RXFP1: variants seen among roughly 807,000 people sequenced by gnomAD.
RXFP1 encodes relaxin family peptide receptor 1.
In RXFP1, 73 loss-of-function variants were observed where a neutral mutation model predicts 89.8. The observed-to-expected ratio is 0.81, with a 90% confidence interval of 0.67 to 0.99. The LOEUF is 0.99. Ranked by LOEUF, RXFP1 falls within the 50% of genes least tolerant of loss-of-function variation. The probability of loss-of-function intolerance (pLI) is 0.00; values close to 1 mark genes in which losing one functional copy is unlikely to be tolerated. For missense variants in RXFP1, 793 were observed against 895.5 expected, an observed-to-expected ratio of 0.89 and a Z score of 1.46; for synonymous variants, 277 against 305.5, an observed-to-expected ratio of 0.91 and a Z score of 0.97.
chr4:158,595,499 G>A (rs1158823011), intron 3 of RXFP1, among the ~76,000 whole-genome samples: 1 of 152,090 alleles, frequency 6.6e-6, no homozygotes, highest in Non-Finnish European at 1.5e-5. Flanking sequence ...AAATACTAGT[G>A]TTATGAATTA....
In RXFP1 at chr4:158,567,908, G is replaced by A. The variant is rs1753994595; in HGVS notation, c.50-4790G>A. On this transcript the variant is annotated intron_variant, in intron 1 of 17. Coordinates refer to ENST00000307765, the MANE Select transcript of RXFP1 (RefSeq NM_021634.4). ...CCGCTCGGGTCTCCTTCCAGCTTGT[G>A]GTGGCTTTGTTCTTTTGCTCGTTGC... Among the ~76,000 whole-genome samples the A allele has an allele frequency of 5.3e-5, 8 of 152,294 alleles. No individual in the cohort carries two copies. In the South Asian group the frequency reaches 1.5e-3, roughly 28 times the overall value.
intron 4 of RXFP1, among the ~76,000 whole-genome samples, chr4:158,601,797 G>A (rs1761737831): frequency 6.6e-6 from 1 of 152,154 alleles, no homozygotes. Flanking sequence ...TTGAAGTTGG[G>A]ATTTTTTTAA....
chr4:158,546,629 A>G (rs1210384472), intron 1 of RXFP1, among the ~76,000 whole-genome samples: 2 of 152,188 alleles, frequency 1.3e-5, no homozygotes, highest in Non-Finnish European at 2.9e-5. Context: ...CATCCCATCG[A>G]TACCTAATTT....
chr4:158,572,884 T>TGAA (rs772198400), intron 2 of RXFP1, 49 bp downstream of exon 2: 2 of 1,594,746 alleles, frequency 1.3e-6, no homozygotes, highest in East Asian at 4.5e-5. Context: ...CAGAAAGGAC[T>TGAA]GAAGGTGAAG....
At chr4:158,546,183 T>A (rs1350536273) in intron 1 of RXFP1, among the ~76,000 whole-genome samples, 4 of 152,150 alleles carry the variant, frequency 2.6e-5, no homozygotes, top group African/African-American at 7.2e-5. Context: ...GTAAGTTGGA[T>A]TCCTAGGTAT....
chr4:158,549,053 C>T (rs1749341808), intron 1 of RXFP1, among the ~76,000 whole-genome samples: 1 of 151,816 alleles, frequency 6.6e-6, no homozygotes, highest in Non-Finnish European at 1.5e-5. Flanking sequence ...TGTTTTCCAA[C>T]TTGGTTCCAT....
At chr4:158,538,352 G>A (rs1745761317) in intron 1 of RXFP1, among the ~76,000 whole-genome samples, 1 of 152,200 alleles carries the variant, frequency 6.6e-6, no homozygotes, top group South Asian at 2.1e-4. Flanking sequence ...CTCGCACTCT[G>A]GGGAAAGAAG....
rs1489078971 is a variant in RXFP1 at position 158,628,699 on chromosome 4, C to A, written c.889C>A (p.Leu297Met). ...NENTFAPLQK[L>M]DELDLGSNKI... ...AAATACTTTTGCACCTCTCCAGAAA[C>A]TGGATGAATTGTAAGTATGACTGAA... The change falls in exon 11 of 18, where the codon CTG becomes ATG. Residue 297 changes from leucine to methionine, a missense_variant. Transcript: ENST00000307765. The A allele has an allele frequency of 1.3e-6, 2 of 1,567,466 alleles. No homozygotes were observed. Among genetic ancestry groups the A allele is most frequent in the East Asian group, 2.3e-5 (1 of 44,268 alleles).
intron 14 of RXFP1, among the ~76,000 whole-genome samples, chr4:158,640,459 T>G (rs749928450): frequency 7.9e-5 from 12 of 152,172 alleles, no homozygotes; most frequent in Non-Finnish European, 1.6e-4. Flanking sequence ...AGGAAAGCTT[T>G]TAATCATGGC....
intron 1 of RXFP1, among the ~76,000 whole-genome samples, chr4:158,538,505 A>AT (rs960374661): frequency 1.2e-4 from 18 of 152,154 alleles, no homozygotes; most frequent in East Asian, 1.9e-4. Flanking sequence ...AGCCAAAGGC[A>AT]TTTTTTTTGT....
chr4:158,581,769 C>T lies in RXFP1; in HGVS notation c.187+8934C>T, dbSNP rs972457245. On this transcript the variant is annotated intron_variant, in intron 2 of 17. Transcript: ENST00000307765. Reference sequence around the variant, plus strand: ...TCCAAGTCATGGATGTCTGTTTTGCCTTGTTATAAAGGAATAGTTGTGGCT... The same window carrying T: ...TCCAAGTCATGGATGTCTGTTTTGCTTTGTTATAAAGGAATAGTTGTGGCT... Among the ~76,000 whole-genome samples, 3 of 152,090 alleles carry T rather than the reference C, an allele frequency of 2.0e-5. No individual in the cohort carries two copies. In the East Asian group the frequency reaches 5.8e-4, roughly 29 times the overall value.
intron 1 of RXFP1, among the ~76,000 whole-genome samples, chr4:158,533,280 T>A (rs992900666): frequency 6.6e-6 from 1 of 152,184 alleles, no homozygotes; most frequent in African/African-American, 2.4e-5. Flanking sequence ...CTCAGGAAAG[T>A]TTTTTTGTGC....
At chr4:158,625,127 TAGA>T (rs1766450321) in intron 9 of RXFP1, among the ~76,000 whole-genome samples, 1 of 152,114 alleles carries the variant, frequency 6.6e-6, no homozygotes, top group African/African-American at 2.4e-5. Context: ...AGCAACCAAA[TAGA>T]AGGAAATGGC....
Position 158,648,550 on chromosome 4 carries a change from T to C in RXFP1, c.1808T>C (p.Phe603Ser), listed in dbSNP as rs1772014769. Residue 603 changes from phenylalanine (F) to serine (S), a missense_variant, in exon 17 of 18, where the codon TTT becomes TCT. Transcript: ENST00000307765. Reference protein sequence around the residue: ...IIIVFSYGSMFYSVHQSAITA... With the variant: ...IIIVFSYGSMSYSVHQSAITA... ...ATAGTTTTTTCCTATGGAAGCATGT[T>C]TTATAGTGTTCATCAAAGTGCCATA... The C allele has an allele frequency of 6.2e-7, 1 of 1,613,012 alleles. No homozygotes were observed. Among genetic ancestry groups the C allele is most frequent in the Non-Finnish European group, 8.5e-7 (1 of 1,179,404 alleles).
chr4:158,577,012 TTTC>T (rs3085268), intron 2 of RXFP1, among the ~76,000 whole-genome samples: 113,719 of 150,240 alleles, frequency 0.76, 45,267 homozygotes, highest in East Asian at 0.97. Context: ...AGGCTGTTCT[TTTC>T]TTCTTCTTCT....
intron 2 of RXFP1, among the ~76,000 whole-genome samples, chr4:158,574,891 T>TA (rs144526156): frequency 0.037 from 5,611 of 152,110 alleles, 312 homozygotes; most frequent in African/African-American, 0.12. Flanking sequence ...TTCATTTATT[T>TA]AAAAAAAACA....
At position 158,612,317 on chromosome 4, in the gene RXFP1, G is replaced by A. The variant is rs370923627; in HGVS notation, c.635G>A (p.Arg212Gln). The A allele has an allele frequency of 4.0e-5, 65 of 1,611,918 alleles. No individual in the cohort carries two copies. The highest frequency in any genetic ancestry group is 1.1e-4 in the African/African-American group (8 of 74,798). ...WLIIEDNHLS[R>Q]ISPPTFYGLN... ...ATAATTGAAGATAATCACCTCAGTC[G>A]AATTTCCCCACCAACATTTTATGGA... The change falls in exon 8 of 18, where the codon CGA (arginine) becomes CAA (glutamine). Residue 212 changes from arginine to glutamine, a missense_variant. By Grantham distance (43) the Arg-to-Gln change is conservative. Transcript: ENST00000307765.
intron 5 of RXFP1, chr4:158,606,986 C>A: frequency 1.7e-6 from 2 of 1,152,782 alleles, no homozygotes; most frequent in Non-Finnish European, 2.5e-6. Flanking sequence ...TGAATGTTCG[C>A]TCATATTGAT....
intron 1 of RXFP1, among the ~76,000 whole-genome samples, chr4:158,568,859 T>G (rs1203344081): frequency 6.6e-6 from 1 of 152,232 alleles, no homozygotes; most frequent in African/African-American, 2.4e-5. Flanking sequence ...CTTTTATTTT[T>G]TCATGCTTTG....
Sources: gnomAD v4.1 joint callset for allele counts (sites outside exome capture counted in the v4.1 genomes callset) on GRCh38, gnomAD v4.1.1 for gene constraint, MANE v1.5 for transcripts, NCBI Gene and HGNC (gene_info 2026-07-23, HGNC 2026-07-21) for gene names.